The following COX5A variants were observed in gnomAD, a reference collection of about 807,000 sequenced individuals.
The protein encoded by COX5A is cytochrome c oxidase subunit 5A.
COX5A carries 6 observed loss-of-function variants against 16.1 expected under a neutral mutation model. The ratio of observed to expected loss-of-function variants is 0.37; its 90% confidence interval spans 0.20 to 0.73. The LOEUF (loss-of-function observed/expected upper bound fraction) is 0.73. Among genes scored for constraint, COX5A ranks in the 30% least tolerant of loss-of-function variants. COX5A has a pLI of 0.50. For missense variants in COX5A, 159 were observed against 194.9 expected, an observed-to-expected ratio of 0.82 and a Z score of 1.10; for synonymous variants, 73 against 73.8, an observed-to-expected ratio of 0.99 and a Z score of 0.06.
At chr15:74,929,071 A>T in intron 2 of COX5A, 45 bp downstream of exon 2, 1 of 1,346,578 alleles carries the variant, frequency 7.4e-7, no homozygotes, top group Non-Finnish European at 1.1e-6. Context: ...GAAGCAGTTC[A>T]TATTTACACA....
intron 4 of COX5A, among the ~76,000 whole-genome samples, chr15:74,921,955 A>C (rs537789824): frequency 6.6e-6 from 1 of 152,256 alleles, no homozygotes; most frequent in Non-Finnish European, 1.5e-5. Flanking sequence ...TGGAAGGCCA[A>C]GGTGGAAGGA....
At position 74,929,227 on chromosome 15, in the gene COX5A, G is replaced by A; in HGVS notation, c.106C>T (p.Gln36Ter). 1 of 1,601,656 alleles carries A rather than the reference G, an allele frequency of 6.2e-7. No homozygotes were observed. Among genetic ancestry groups the A allele is most frequent in the Non-Finnish European group, 8.6e-7 (1 of 1,168,844 alleles). Residue 36 changes from glutamine to a stop codon, truncating the protein, a stop_gained, in exon 2 of 5, where the codon CAG (glutamine) becomes TAG (stop). Transcript: ENST00000322347. LOFTEE classifies it high-confidence loss of function. ...CCATGGGAATAGCAGCGAACTGACT[G>A]GATAGCTATAATGTGAAAGAACCAT... ...ARTPGPAVAI[Q>*]SVRCYSHGSQ...
At chr15:74,929,254 A>C in intron 1 of COX5A, 22 bp from the exon 2 acceptor site, 1 of 1,440,218 alleles carries the variant, frequency 6.9e-7, no homozygotes, top group Non-Finnish European at 9.8e-7. Context: ...AAGAACCATA[A>C]CTTCAATGTA....
Position 74,923,638 on chromosome 15 carries a change from T to C in COX5A, c.*9+10A>G. 6.7e-7 allele frequency: 1 copy of C among 1,485,752 alleles called. No homozygotes were observed. The highest frequency in any genetic ancestry group is 9.4e-7 in the Non-Finnish European group (1 of 1,065,036). 92.0% of individuals were successfully genotyped at this position (1,485,752 alleles called of 1,614,324 possible). ...TGTTTTCCTGCCTTCTTCAGTGGTT[T>C]GTCGCTTACCCATGCGGTTTACACT... On this transcript the variant is annotated intron_variant, in intron 4 of 4. Coordinates refer to ENST00000322347, the MANE Select transcript of COX5A (RefSeq NM_004255.4).
intron 3 of COX5A, among the ~76,000 whole-genome samples, chr15:74,924,079 C>G (rs539533325): frequency 6.6e-6 from 1 of 151,636 alleles, no homozygotes; most frequent in South Asian, 2.1e-4. Flanking sequence ...ACTCGGGAGG[C>G]TGAGGCAGGA....
intron 4 of COX5A, among the ~76,000 whole-genome samples, chr15:74,920,822 C>G (rs1244497564): frequency 6.6e-6 from 1 of 151,702 alleles, no homozygotes; most frequent in Non-Finnish European, 1.5e-5. Flanking sequence ...CACTAAAATA[C>G]AAAAAATTAG....
intron 2 of COX5A, among the ~76,000 whole-genome samples, chr15:74,927,387 G>A (rs151181609): frequency 0.021 from 3,222 of 152,094 alleles, 58 homozygotes; most frequent in East Asian, 0.067. Flanking sequence ...ATCTTGGCCT[G>A]GCTGGCCTTG....
At chr15:74,932,314 C>A (rs1168152117) in intron 1 of COX5A, among the ~76,000 whole-genome samples, 2 of 151,978 alleles carry the variant, frequency 1.3e-5, no homozygotes, top group Non-Finnish European at 2.9e-5. Flanking sequence ...TAAGGCTTAA[C>A]ATATTTTTAT....
intron 1 of COX5A, among the ~76,000 whole-genome samples, chr15:74,932,937 C>T (rs1227160735): frequency 6.6e-6 from 1 of 151,614 alleles, no homozygotes; most frequent in Non-Finnish European, 1.5e-5. Context: ...ACCTCATGAT[C>T]TGCCTGCCTC....
intron 1 of COX5A, among the ~76,000 whole-genome samples, chr15:74,933,435 CTAT>C (rs2065375798): frequency 9.6e-6 from 1 of 104,536 alleles, no homozygotes; most frequent in Non-Finnish European, 2.0e-5. Flanking sequence ...ATCTATCTAT[CTAT>C]CTATCTATCT....
intron 1 of COX5A, among the ~76,000 whole-genome samples, chr15:74,933,813 A>G (rs951574959): frequency 1.3e-5 from 2 of 152,184 alleles, no homozygotes; most frequent in Non-Finnish European, 2.9e-5. Context: ...CTTCATGATA[A>G]GCAATTCGTT....
At chr15:74,937,300 T>A (rs1344333156) in intron 1 of COX5A, among the ~76,000 whole-genome samples, 2 of 152,156 alleles carry the variant, frequency 1.3e-5, no homozygotes, top group Non-Finnish European at 2.9e-5. Flanking sequence ...ATTTTTATCA[T>A]AAGCCCTATC....
chr15:74,937,903 CA>C lies in COX5A; in HGVS notation c.100+11del, dbSNP rs930808006. ...ACACGAGGGCGCGGGCAGTGGCAAGCAGGGGCCTTACCCACGGCGGGGCCGG... is the reference window on the plus strand; with the variant it reads ...ACACGAGGGCGCGGGCAGTGGCAAGCGGGGCCTTACCCACGGCGGGGCCGG... On this transcript the variant is annotated intron_variant, in intron 1 of 4. Coordinates refer to ENST00000322347, the MANE Select transcript of COX5A (RefSeq NM_004255.4). 3.9e-5 allele frequency: 48 copies of C among 1,229,428 alleles called. No homozygotes were observed. The highest frequency in any genetic ancestry group is 4.7e-5 in the Non-Finnish European group (46 of 984,672). The allele number at this position is 1,229,428 out of a possible 1,614,324, so 76.2% of individuals were successfully genotyped here.
At chr15:74,934,428 T>A (rs1045125395) in intron 1 of COX5A, among the ~76,000 whole-genome samples, 1 of 152,058 alleles carries the variant, frequency 6.6e-6, no homozygotes, top group African/African-American at 2.4e-5. Context: ...CCTCCCAGGT[T>A]CACGCCATTC....
intron 1 of COX5A, among the ~76,000 whole-genome samples, chr15:74,930,312 G>A (rs573810935): frequency 1.3e-5 from 2 of 151,574 alleles, no homozygotes; most frequent in East Asian, 3.9e-4. Context: ...CAGCAACTCG[G>A]GAGGATGAAG....
At chr15:74,924,499 G>T (rs12101835) in intron 3 of COX5A, among the ~76,000 whole-genome samples, 6 of 152,128 alleles carry the variant, frequency 3.9e-5, no homozygotes, top group East Asian at 3.9e-4. Flanking sequence ...CCAGCCTAGG[G>T]GACAGAGCGA....
intron 2 of COX5A, among the ~76,000 whole-genome samples, chr15:74,928,056 C>T (rs2065351386): frequency 6.6e-6 from 1 of 152,162 alleles, no homozygotes; most frequent in Admixed American, 6.5e-5. Flanking sequence ...CCAGATTGTT[C>T]AGTAAGAATT....
intron 1 of COX5A, among the ~76,000 whole-genome samples, chr15:74,934,901 T>C (rs975065054): frequency 4.6e-5 from 7 of 152,206 alleles, no homozygotes; most frequent in Admixed American, 2.6e-4. Context: ...AATGAGGACA[T>C]TTTTAGGGCT....
At chr15:74,926,079 A>G (rs1308345284) in intron 3 of COX5A, among the ~76,000 whole-genome samples, 1 of 121,518 alleles carries the variant, frequency 8.2e-6, no homozygotes, top group Non-Finnish European at 1.6e-5. Context: ...TTGCTCTGTC[A>G]CCCAGGCTGG....
Sources: gnomAD v4.1 joint callset for allele counts (sites outside exome capture counted in the v4.1 genomes callset) on GRCh38, gnomAD v4.1.1 for gene constraint, MANE v1.5 for transcripts, NCBI Gene and HGNC (gene_info 2026-07-23, HGNC 2026-07-21) for gene names.